LRMDA: variants seen among roughly 807,000 people sequenced by gnomAD.
LRMDA encodes the protein leucine-rich melanocyte differentiation-associated protein.
A neutral mutation model predicts 29.8 loss-of-function variants in LRMDA; 18 were observed. The observed-to-expected ratio is 0.60, with a 90% CI of 0.42 to 0.90. LRMDA has a LOEUF of 0.90. Among genes scored for constraint, LRMDA ranks in the 40% least tolerant of loss-of-function variants. LRMDA has a pLI of 0.00. For missense variants in LRMDA, 273 were observed against 273.9 expected (o/e 1.00, Z 0.02); for synonymous variants, 125 against 109.4 (o/e 1.14, Z -0.89).
intron 6 of LRMDA, among the ~76,000 whole-genome samples, chr10:76,516,230 A>C (rs1843059648): frequency 6.6e-6 from 1 of 152,246 alleles, no homozygotes; most frequent in Non-Finnish European, 1.5e-5. Flanking sequence ...TTGAATGCCA[A>C]AATGGTATCA....
chr10:75,465,185 G>A (rs778193812), intron 2 of LRMDA, among the ~76,000 whole-genome samples: 4 of 152,318 alleles, frequency 2.6e-5, no homozygotes, highest in Non-Finnish European at 4.4e-5. Context: ...CTGAAAAAGC[G>A]ATCTAAGCTG....
At chr10:75,923,635 AT>A (rs565749366) in intron 2 of LRMDA, among the ~76,000 whole-genome samples, 2 of 151,898 alleles carry the variant, frequency 1.3e-5, no homozygotes, top group African/African-American at 4.8e-5. Context: ...GTGCTTAGAG[AT>A]TTGTTTTTAG....
intron 2 of LRMDA, among the ~76,000 whole-genome samples, chr10:75,612,343 T>C (rs1312281208): frequency 6.6e-6 from 1 of 152,134 alleles, no homozygotes; most frequent in Non-Finnish European, 1.5e-5. Flanking sequence ...ATCTAGGCAA[T>C]AATGAATATT....
rs1000292864 is a variant in LRMDA at position 75,745,459 on chromosome 10, G to T, written c.132-290549G>T. Among the ~76,000 whole-genome samples, 10 of 152,210 alleles carry T rather than the reference G, an allele frequency of 6.6e-5. No individual in the cohort carries two copies. In the East Asian group the frequency reaches 1.7e-3, roughly 26 times the overall value. ...ACATTACAGCAACTTTGTGCCCTGTGTCCTATATCTTCCCATTTCTTTTAA... is the reference window on the plus strand; with the variant it reads ...ACATTACAGCAACTTTGTGCCCTGTTTCCTATATCTTCCCATTTCTTTTAA... On this transcript the variant is annotated intron_variant, in intron 2 of 6. Coordinates refer to ENST00000611255, the MANE Select transcript of LRMDA (RefSeq NM_001305581.2).
chr10:76,085,421 C>A (rs922952373), intron 5 of LRMDA, among the ~76,000 whole-genome samples: 3 of 152,130 alleles, frequency 2.0e-5, no homozygotes, highest in Non-Finnish European at 4.4e-5. Flanking sequence ...TGCAATCTTG[C>A]GCTGTATTTT....
chr10:75,967,981 G>T (rs1400385712), intron 2 of LRMDA, among the ~76,000 whole-genome samples: 1 of 152,154 alleles, frequency 6.6e-6, no homozygotes, highest in Non-Finnish European at 1.5e-5. Context: ...AACTCTGTGG[G>T]TATTCCTTAG....
intron 6 of LRMDA, among the ~76,000 whole-genome samples, chr10:76,381,156 G>A (rs1338401162): frequency 6.6e-6 from 1 of 151,106 alleles, no homozygotes; most frequent in East Asian, 2.0e-4. Flanking sequence ...CTCTTACCTG[G>A]TATAAGTAAC....
intron 6 of LRMDA, among the ~76,000 whole-genome samples, chr10:76,364,683 A>C (rs1205348881): frequency 6.6e-6 from 1 of 152,038 alleles, no homozygotes; most frequent in African/African-American, 2.4e-5. Flanking sequence ...GTAAAGATGC[A>C]ATAATATGAA....
At chr10:76,386,628 G>A (rs557930415) in intron 6 of LRMDA, among the ~76,000 whole-genome samples, 1 of 152,110 alleles carries the variant, frequency 6.6e-6, no homozygotes, top group East Asian at 1.9e-4. Flanking sequence ...CCATATTTGA[G>A]TTTTATGAAA....
intron 2 of LRMDA, among the ~76,000 whole-genome samples, chr10:75,893,327 C>T (rs1351524132): frequency 6.6e-6 from 1 of 152,068 alleles, no homozygotes; most frequent in Non-Finnish European, 1.5e-5. Context: ...ATAGTCAAGG[C>T]TAAAACCCAC....
intron 2 of LRMDA, among the ~76,000 whole-genome samples, chr10:75,730,566 T>C (rs1400449612): frequency 6.6e-6 from 1 of 152,194 alleles, no homozygotes; most frequent in Non-Finnish European, 1.5e-5. Flanking sequence ...TCTATTGCTT[T>C]TCTCTCATCC....
chr10:75,939,525 C>A (rs955987244), intron 2 of LRMDA, among the ~76,000 whole-genome samples: 3 of 152,116 alleles, frequency 2.0e-5, no homozygotes, highest in African/African-American at 7.2e-5. Context: ...CTGTGCTCAT[C>A]TTGTTTGGAT....
At chr10:76,205,030 A>G (rs1467166591) in intron 5 of LRMDA, among the ~76,000 whole-genome samples, 1 of 152,186 alleles carries the variant, frequency 6.6e-6, no homozygotes, top group Non-Finnish European at 1.5e-5. Flanking sequence ...AGTCATTTTC[A>G]TAGTACTTAA....
intron 5 of LRMDA, among the ~76,000 whole-genome samples, chr10:76,106,562 C>T (rs1849488461): frequency 6.6e-6 from 1 of 152,184 alleles, no homozygotes; most frequent in African/African-American, 2.4e-5. Flanking sequence ...AGGAGTCCGT[C>T]ACAAGCATCT....
At chr10:75,939,076 A>G (rs533508446) in intron 2 of LRMDA, among the ~76,000 whole-genome samples, 1 of 152,288 alleles carries the variant, frequency 6.6e-6, no homozygotes, top group Admixed American at 6.5e-5. Flanking sequence ...GGCTTTTTAG[A>G]TGGATCCCCC....
intron 2 of LRMDA, among the ~76,000 whole-genome samples, chr10:75,478,759 T>C (rs1311603919): frequency 6.6e-6 from 1 of 152,116 alleles, no homozygotes; most frequent in Non-Finnish European, 1.5e-5. Flanking sequence ...TTTTACAAGG[T>C]ATGGAGATAT....
intron 5 of LRMDA, among the ~76,000 whole-genome samples, chr10:76,143,259 A>C (rs1360689647): frequency 2.0e-5 from 3 of 152,324 alleles, no homozygotes; most frequent in African/African-American, 7.2e-5. Context: ...TCCCTGAGAA[A>C]TCGCCACACT....
chr10:76,144,645 CA>C lies in LRMDA; in HGVS notation c.516+85864del, dbSNP rs1850275427. ...CAATCATGTCATCTGCAAAGAGGGACAATTTGACTTCCTCTTTTCCTAATTG... is the reference window on the plus strand; with the variant it reads ...CAATCATGTCATCTGCAAAGAGGGACATTTGACTTCCTCTTTTCCTAATTG... On this transcript the variant is annotated intron_variant, in intron 5 of 6. Transcript: ENST00000611255. 3.3e-5 allele frequency among the ~76,000 whole-genome samples: 5 copies of C among 152,256 alleles called. No individual in the cohort carries two copies. The South Asian group carries it at 1.0e-3, about 32-fold the overall frequency.
At chr10:75,478,525 G>T (rs1844821781) in intron 2 of LRMDA, among the ~76,000 whole-genome samples, 1 of 152,164 alleles carries the variant, frequency 6.6e-6, no homozygotes, top group African/African-American at 2.4e-5. Flanking sequence ...CTGTTTCAAT[G>T]TAAGTACTTA....
Sources: gnomAD v4.1 joint callset for allele counts (sites outside exome capture counted in the v4.1 genomes callset) on GRCh38, gnomAD v4.1.1 for gene constraint, MANE v1.5 for transcripts, NCBI Gene and HGNC (gene_info 2026-07-23, HGNC 2026-07-21) for gene names.